The following AXIN1 variants were observed in gnomAD, a reference collection of about 807,000 sequenced individuals.
AXIN1 encodes the protein axin 1.
In AXIN1, 30 loss-of-function variants were observed where a neutral mutation model predicts 76.4. The observed-to-expected ratio is 0.39, with a 90% CI of 0.29 to 0.53. The LOEUF is 0.53. AXIN1 is among the 20% of genes least tolerant of loss of function. AXIN1 has a pLI of 0.66. For synonymous variants in AXIN1, 545 were observed against 501.4 expected (o/e 1.09, Z -1.16); for missense variants, 1,140 against 1,198.8 (o/e 0.95, Z 0.72).
chr16:294,726 G>C (rs997077277), intron 7 of AXIN1, among the ~76,000 whole-genome samples: 20 of 122,766 alleles, frequency 1.6e-4, no homozygotes, highest in African/African-American at 6.0e-4. Flanking sequence ...TTGCACTCCA[G>C]CCTGAGCCAC....
intron 2 of AXIN1, among the ~76,000 whole-genome samples, chr16:320,737 A>ATTTT (rs201303569): frequency 0.06 from 5,303 of 88,496 alleles, 186 homozygotes; most frequent in Non-Finnish European, 0.086. Context: ...ATATATATAT[A>ATTTT]TATATATTTT....
chr16:325,559 C>G (rs190430055), intron 2 of AXIN1, among the ~76,000 whole-genome samples: 1 of 152,248 alleles, frequency 6.6e-6, no homozygotes, highest in African/African-American at 2.4e-5. Flanking sequence ...CTCCCCCAGT[C>G]CAGACACAAA....
intron 2 of AXIN1, among the ~76,000 whole-genome samples, chr16:315,034 C>T (rs2053269449): frequency 6.6e-6 from 1 of 152,188 alleles, no homozygotes; most frequent in Non-Finnish European, 1.5e-5. Context: ...CAGTGCGCGT[C>T]GGGAGAGGAC....
Position 332,385 on chromosome 16 carries a change from G to A in AXIN1, c.878+13763C>T, listed in dbSNP as rs956324766. ...GAGATCAGGAGATGGAGACCATCCT[G>A]GCTAACACAGTGAAACCCCATCTCT... On this transcript the variant is annotated intron_variant, in intron 2 of 10. Coordinates refer to ENST00000262320, the MANE Select transcript of AXIN1 (RefSeq NM_003502.4). Among the ~76,000 whole-genome samples, 14 of 151,924 alleles carry A rather than the reference G, an allele frequency of 9.2e-5. No homozygotes were observed. In the East Asian group the frequency reaches 2.3e-3, roughly 25 times the overall value.
chr16:332,524 T>C (rs2053714421), intron 2 of AXIN1, among the ~76,000 whole-genome samples: 2 of 148,120 alleles, frequency 1.4e-5, no homozygotes, highest in South Asian at 2.1e-4. Context: ...TGCAGTGAGC[T>C]GAGACCGTGC....
intron 4 of AXIN1, among the ~76,000 whole-genome samples, chr16:305,541 GTTTT>G (rs113081378): frequency 2.6e-5 from 4 of 151,474 alleles, no homozygotes; most frequent in Admixed American, 6.6e-5. Flanking sequence ...TTTGTTTTTG[GTTTT>G]TTTTGTTTTT....
chr16:329,724 C>A (rs998458954), intron 2 of AXIN1, among the ~76,000 whole-genome samples: 6 of 150,954 alleles, frequency 4.0e-5, no homozygotes, highest in Non-Finnish European at 8.9e-5. Flanking sequence ...CCCAGGTTCA[C>A]GCCATTCTCC....
Position 287,704 on chromosome 16 carries a change from AATTGACAGAGGCC to A in AXIN1, c.*405_*417del, listed in dbSNP as rs2052420081. 2.8e-6 allele frequency: 1 copy of A among 354,306 alleles called. No homozygotes were observed. Among genetic ancestry groups the A allele is most frequent in the Admixed American group, 4.3e-5 (1 of 23,260 alleles). 21.9% of individuals were successfully genotyped at this position (354,306 alleles called of 1,614,324 possible). A position where few individuals can be genotyped will look rare whatever the true frequency, so the allele number is the denominator to read the frequency against. ...GTTGAAGGCACTCGGTGGCGCGTAC[AATTGACAGAGGCC>A]CTGCAGGCCTCTGCATCCGGGCCTG... On this transcript the variant is annotated 3_prime_UTR_variant, in exon 11 of 11. Transcript: ENST00000262320.
intron 5 of AXIN1, among the ~76,000 whole-genome samples, chr16:301,898 C>T (rs2052883583): frequency 6.6e-6 from 1 of 152,228 alleles, no homozygotes; most frequent in Non-Finnish European, 1.5e-5. Flanking sequence ...TGTTTAAGGG[C>T]TGCTAACCTT....
At chr16:304,255 A>G in intron 5 of AXIN1, 49 bp downstream of exon 5, 1 of 1,602,296 alleles carries the variant, frequency 6.2e-7, no homozygotes, top group Non-Finnish European at 8.5e-7. Flanking sequence ...GGCGGCAAGA[A>G]AACAGCACGA....
intron 2 of AXIN1, among the ~76,000 whole-genome samples, chr16:316,269 T>C (rs193269340): frequency 3.9e-5 from 6 of 152,178 alleles, no homozygotes; most frequent in Admixed American, 1.3e-4. Context: ...AATAAAATAA[T>C]AAAAAATAAA....
intron 1 of AXIN1, among the ~76,000 whole-genome samples, chr16:349,297 T>C (rs1271241317): frequency 1.3e-5 from 2 of 152,104 alleles, no homozygotes; most frequent in Admixed American, 1.3e-4. Flanking sequence ...CCCAGTGAGC[T>C]GTGACATCCT....
chr16:305,335 G>A (rs906761521), intron 4 of AXIN1, among the ~76,000 whole-genome samples: 1 of 152,078 alleles, frequency 6.6e-6, no homozygotes, highest in African/African-American at 2.4e-5. Flanking sequence ...TTAGCCGGGT[G>A]TGGTGGCACC....
chr16:302,371 G>A (rs1311288416), intron 5 of AXIN1, among the ~76,000 whole-genome samples: 2 of 152,364 alleles, frequency 1.3e-5, no homozygotes, highest in East Asian at 3.9e-4. Flanking sequence ...CAGGGGAGAC[G>A]AGAGGATGCA....
chr16:298,778 A>G (rs1015668936), intron 5 of AXIN1, among the ~76,000 whole-genome samples: 2 of 149,424 alleles, frequency 1.3e-5, no homozygotes, highest in African/African-American at 2.5e-5. Flanking sequence ...GTATATATAT[A>G]TATTTTTTGA....
At chr16:341,228 C>T (rs1454596104) in intron 2 of AXIN1, among the ~76,000 whole-genome samples, 1 of 152,276 alleles carries the variant, frequency 6.6e-6, no homozygotes, top group Non-Finnish European at 1.5e-5. Context: ...CTGGCCAAGG[C>T]CGGAGCCGGC....
chr16:305,183 C>T (rs1012639707), intron 4 of AXIN1, among the ~76,000 whole-genome samples: 3 of 152,236 alleles, frequency 2.0e-5, no homozygotes, highest in African/African-American at 7.2e-5. Flanking sequence ...TTAAAAGAAT[C>T]TAAAGGCCAG....
At position 288,026 on chromosome 16, in the gene AXIN1, C is replaced by A. The variant is rs2052433221; in HGVS notation, c.*96G>T. 1 of 1,590,274 alleles carries A rather than the reference C, an allele frequency of 6.3e-7. No individual in the cohort carries two copies. Among genetic ancestry groups the A allele is most frequent in the Non-Finnish European group, 8.6e-7 (1 of 1,167,256 alleles). On this transcript the variant is annotated 3_prime_UTR_variant, in exon 11 of 11. Coordinates refer to ENST00000262320, the MANE Select transcript of AXIN1 (RefSeq NM_003502.4). ...GATGGGTGGTACACCCAACACTGTT[C>A]CCCATCGGGCTCCTGAGTACGAGGT...
chr16:331,884 C>G (rs2053696988), intron 2 of AXIN1, among the ~76,000 whole-genome samples: 1 of 152,242 alleles, frequency 6.6e-6, no homozygotes, highest in African/African-American at 2.4e-5. Context: ...GGCCACTAGT[C>G]TGACCCCCAG....
Sources: allele counts gnomAD v4.1 joint callset (sites outside exome capture counted in the v4.1 genomes callset), GRCh38; gene constraint gnomAD v4.1.1; transcripts MANE v1.5; gene names NCBI Gene and HGNC (gene_info 2026-07-23, HGNC 2026-07-21).